The following TMEM132B variants were observed in gnomAD, a reference collection of about 807,000 sequenced individuals.
TMEM132B encodes transmembrane protein 132B.
Under a neutral mutation model 90.8 loss-of-function variants are expected in TMEM132B, and 18 were observed. The observed-to-expected ratio is 0.20, with a 90% CI of 0.14 to 0.29. The LOEUF is 0.29. Among genes scored for constraint, TMEM132B ranks in the 10% least tolerant of loss-of-function variants. The pLI is 1.00. For synonymous variants in TMEM132B, 504 were observed against 523.3 expected (o/e 0.96, Z 0.50); for missense variants, 1,096 against 1,326.8 (o/e 0.83, Z 2.70).
chr12:125,222,372 G>A (rs952173979), intron 1 of TMEM132B, among the ~76,000 whole-genome samples: 2 of 152,176 alleles, frequency 1.3e-5, no homozygotes, highest in African/African-American at 4.8e-5. Context: ...TTACTATAAT[G>A]CTGGGGTGGG....
chr12:125,195,532 G>A (rs1872905721), intron 1 of TMEM132B, among the ~76,000 whole-genome samples: 1 of 151,018 alleles, frequency 6.6e-6, no homozygotes, highest in South Asian at 2.1e-4. Context: ...CCAAGTAGCA[G>A]TGATTACAGG....
At chr12:125,230,633 A>G (rs1284646720) in intron 1 of TMEM132B, among the ~76,000 whole-genome samples, 1 of 149,096 alleles carries the variant, frequency 6.7e-6, no homozygotes, top group Non-Finnish European at 1.5e-5. Context: ...GGCGCCTGCC[A>G]CCACGCCCGT....
chr12:125,519,721 A>G, intron 4 of TMEM132B, 96 bp downstream of exon 4: 1 of 1,260,242 alleles, frequency 7.9e-7, no homozygotes, highest in Non-Finnish European at 1.1e-6. Context: ...TACCTGATAC[A>G]CTGTTTAAAC....
At chr12:125,266,595 T>C (rs1486674136) in intron 1 of TMEM132B, among the ~76,000 whole-genome samples, 1 of 152,194 alleles carries the variant, frequency 6.6e-6, no homozygotes, top group Non-Finnish European at 1.5e-5. Context: ...CATTTTCTGC[T>C]TTGGAGATTT....
chr12:125,566,992 C>T lies in TMEM132B; in HGVS notation c.1294-16859C>T, dbSNP rs1884674936. On this transcript the variant is annotated intron_variant, in intron 4 of 8. Coordinates refer to ENST00000682704, the MANE Select transcript of TMEM132B (RefSeq NM_001366854.1). Reference sequence around the variant, plus strand: ...CAGAATAGCTGGGATTACAGGTGCCCACCACCACACCGGCTAATTTTTGTA... The same window carrying T: ...CAGAATAGCTGGGATTACAGGTGCCTACCACCACACCGGCTAATTTTTGTA... 2.0e-5 allele frequency among the ~76,000 whole-genome samples: 3 copies of T among 151,824 alleles called. No homozygotes were observed. In the South Asian group the frequency reaches 6.3e-4, roughly 32 times the overall value.
intron 4 of TMEM132B, among the ~76,000 whole-genome samples, chr12:125,575,743 T>C (rs1884926934): frequency 6.6e-6 from 1 of 152,158 alleles, no homozygotes. Context: ...TTGAATGTGG[T>C]GTGAGGTATG....
chr12:125,413,304 A>G (rs1879909897), intron 2 of TMEM132B, among the ~76,000 whole-genome samples: 1 of 150,814 alleles, frequency 6.6e-6, no homozygotes. Context: ...GTCATTTTTC[A>G]CCTGTGGTTT....
At chr12:125,411,365 T>TGGG (rs59119498) in intron 2 of TMEM132B, among the ~76,000 whole-genome samples, 3 of 111,192 alleles carry the variant, frequency 2.7e-5, no homozygotes, top group African/African-American at 1.1e-4. Context: ...TGTCAGAGGG[T>TGGG]GGGGGGGGGC....
At chr12:125,354,269 T>G (rs1220884252) in intron 2 of TMEM132B, among the ~76,000 whole-genome samples, 2 of 152,246 alleles carry the variant, frequency 1.3e-5, no homozygotes, top group Non-Finnish European at 2.9e-5. Context: ...GTAGCCAAAT[T>G]CAGCCCATAG....
At chr12:125,643,856 G>A (rs1886691915) in intron 5 of TMEM132B, among the ~76,000 whole-genome samples, 1 of 152,118 alleles carries the variant, frequency 6.6e-6, no homozygotes, top group Non-Finnish European at 1.5e-5. Context: ...GGTTTTACTT[G>A]TCAGTATTTT....
At chr12:125,379,810 A>G (rs762712242) in intron 2 of TMEM132B, among the ~76,000 whole-genome samples, 1 of 152,204 alleles carries the variant, frequency 6.6e-6, no homozygotes, top group African/African-American at 2.4e-5. Context: ...TCCAGAGCTG[A>G]GATTTTCCAT....
At chr12:125,265,074 C>T (rs1041793590) in intron 1 of TMEM132B, among the ~76,000 whole-genome samples, 2 of 152,188 alleles carry the variant, frequency 1.3e-5, no homozygotes, top group African/African-American at 4.8e-5. Context: ...CTGAATACTG[C>T]AGGCAATTGC....
At chr12:125,467,628 T>A (rs11058188) in intron 3 of TMEM132B, among the ~76,000 whole-genome samples, 3 of 152,222 alleles carry the variant, frequency 2.0e-5, no homozygotes, top group African/African-American at 4.8e-5. Flanking sequence ...CATAACATAG[T>A]TCAACATTTT....
intron 1 of TMEM132B, among the ~76,000 whole-genome samples, chr12:125,228,817 C>T (rs1385486883): frequency 6.6e-6 from 1 of 152,174 alleles, no homozygotes; most frequent in African/African-American, 2.4e-5. Flanking sequence ...CAATCACTTC[C>T]CTGTTTTCCA....
intron 3 of TMEM132B, among the ~76,000 whole-genome samples, chr12:125,443,949 T>C (rs1354813296): frequency 6.6e-6 from 1 of 151,840 alleles, no homozygotes; most frequent in Non-Finnish European, 1.5e-5. Context: ...TTTTTTCCTG[T>C]GGTAATTTAT....
intron 3 of TMEM132B, among the ~76,000 whole-genome samples, chr12:125,503,650 G>A (rs903142162): frequency 1.3e-5 from 2 of 152,166 alleles, no homozygotes; most frequent in Non-Finnish European, 2.9e-5. Context: ...CTTGAGTCAC[G>A]TACACTAGGC....
At chr12:125,519,666 G>A (rs776508250) in intron 4 of TMEM132B, 41 bp downstream of exon 4, 3 of 1,602,654 alleles carry the variant, frequency 1.9e-6, no homozygotes, top group Non-Finnish European at 2.6e-6. Flanking sequence ...TCACAAAGAA[G>A]TTTTCTTTAA....
At chr12:125,263,412 T>G (rs1306930545) in intron 1 of TMEM132B, among the ~76,000 whole-genome samples, 1 of 152,188 alleles carries the variant, frequency 6.6e-6, no homozygotes, top group Non-Finnish European at 1.5e-5. Flanking sequence ...AATAACACAT[T>G]CTCATCAGGG....
intron 4 of TMEM132B, among the ~76,000 whole-genome samples, chr12:125,564,839 C>A (rs954870798): frequency 2.0e-5 from 3 of 152,174 alleles, no homozygotes; most frequent in Non-Finnish European, 4.4e-5. Flanking sequence ...GCCACGCAAA[C>A]CCTGCTAGCA....
Sources: gnomAD v4.1 joint callset for allele counts (sites outside exome capture counted in the v4.1 genomes callset) on GRCh38, gnomAD v4.1.1 for gene constraint, MANE v1.5 for transcripts, NCBI Gene and HGNC (gene_info 2026-07-23, HGNC 2026-07-21) for gene names.